Variants in VWA3B observed in about 807,000 individuals in gnomAD.
VWA3B encodes von Willebrand factor A domain-containing protein 3B.
In VWA3B, 138 loss-of-function variants were observed where a neutral mutation model predicts 158.3. The observed-to-expected ratio is 0.87, with a 90% CI of 0.76 to 1.00. The LOEUF is 1.00. Among genes scored for constraint, VWA3B ranks in the 50% least tolerant of loss-of-function variants. The pLI, the probability that VWA3B is intolerant of heterozygous loss-of-function variation, is 0.00. For synonymous variants in VWA3B, 596 were observed against 587.3 expected (o/e 1.01, Z -0.21); for missense variants, 1,555 against 1,565.1 (o/e 0.99, Z 0.11).
chr2:98,181,497 A>G (rs1680576523), intron 9 of VWA3B, among the ~76,000 whole-genome samples: 1 of 152,246 alleles, frequency 6.6e-6, no homozygotes, highest in African/African-American at 2.4e-5. Flanking sequence ...GAATTATTCA[A>G]CATTATGCAA....
intron 8 of VWA3B, among the ~76,000 whole-genome samples, chr2:98,164,045 A>T (rs1678871737): frequency 6.6e-6 from 1 of 152,152 alleles, no homozygotes; most frequent in Non-Finnish European, 1.5e-5. Context: ...GAGCTCAGTG[A>T]TCGGCTCGGC....
chr2:98,179,155 C>A, intron 8 of VWA3B: 1 of 466,268 alleles, frequency 2.1e-6, no homozygotes, highest in Non-Finnish European at 4.5e-6. Flanking sequence ...GAGATGTGCA[C>A]AGCCAGCTCC....
chr2:98,198,657 G>A (rs1682268355), intron 12 of VWA3B, among the ~76,000 whole-genome samples: 1 of 152,082 alleles, frequency 6.6e-6, no homozygotes, highest in Non-Finnish European at 1.5e-5. Context: ...CTCCCAAAAT[G>A]TCCTCATATG....
intron 8 of VWA3B, among the ~76,000 whole-genome samples, chr2:98,164,285 T>G (rs1036599968): frequency 2.0e-5 from 3 of 152,140 alleles, no homozygotes; most frequent in Admixed American, 2.0e-4. Context: ...TAAAAAGAAA[T>G]TATTAAAATC....
intron 6 of VWA3B, among the ~76,000 whole-genome samples, chr2:98,129,258 TG>T (rs1559556646): frequency 1.5e-5 from 2 of 135,124 alleles, no homozygotes; most frequent in African/African-American, 5.6e-5. Flanking sequence ...TGTGTGTGTG[TG>T]GAGAGAGAGG....
At chr2:98,129,529 G>A (rs1195235829) in intron 6 of VWA3B, among the ~76,000 whole-genome samples, 1 of 152,134 alleles carries the variant, frequency 6.6e-6, no homozygotes, top group African/African-American at 2.4e-5. Context: ...TTCAACATAG[G>A]AATTTTTTTG....
intron 16 of VWA3B, among the ~76,000 whole-genome samples, chr2:98,234,020 A>T (rs1249928113): frequency 1.3e-5 from 2 of 152,244 alleles, no homozygotes; most frequent in African/African-American, 4.8e-5. Flanking sequence ...CAGGGTAGAA[A>T]ATAACATAAG....
At chr2:98,315,026 C>G (rs1314438987), downstream of VWA3B, among the ~76,000 whole-genome samples, 1 of 151,774 alleles carries the variant, frequency 6.6e-6, no homozygotes, top group African/African-American at 2.4e-5. Flanking sequence ...TTGGAATCAG[C>G]TCCGGAATGA....
chr2:98,308,238 T>C (rs1690647928), intron 26 of VWA3B, among the ~76,000 whole-genome samples: 1 of 152,152 alleles, frequency 6.6e-6, no homozygotes, highest in South Asian at 2.1e-4. Flanking sequence ...GGGTGCAGAT[T>C]TTCTCTTTCC....
intron 1 of VWA3B, among the ~76,000 whole-genome samples, chr2:98,090,221 A>G (rs1164402721): frequency 6.6e-6 from 1 of 152,174 alleles, no homozygotes; most frequent in African/African-American, 2.4e-5. Flanking sequence ...GTCTTTGTGG[A>G]TAGATCCTCA....
intron 25 of VWA3B, among the ~76,000 whole-genome samples, chr2:98,301,417 A>G (rs1690184028): frequency 6.6e-6 from 1 of 152,178 alleles, no homozygotes; most frequent in South Asian, 2.1e-4. Context: ...TTGGTCACAT[A>G]TAAAATGAAT....
chr2:98,217,608 C>T lies in VWA3B; in HGVS notation c.1837-238C>T, dbSNP rs986352764. On this transcript the variant is annotated intron_variant, in intron 13 of 27. Coordinates refer to ENST00000477737, the MANE Select transcript of VWA3B (RefSeq NM_144992.5). ...AATCTTTCTCCTAGCTTCTTTGTCC[C>T]ACCCAACTGAGAGACCTCAGAGCCA... is the stretch of plus-strand genomic sequence containing the variant. Among the ~76,000 whole-genome samples, 3 of 152,180 alleles carry T rather than the reference C, an allele frequency of 2.0e-5. No individual in the cohort carries two copies. In the South Asian group the frequency reaches 6.2e-4, roughly 32 times the overall value.
intron 2 of VWA3B, among the ~76,000 whole-genome samples, chr2:98,098,374 A>T (rs1242345016): frequency 6.6e-6 from 1 of 152,082 alleles, no homozygotes; most frequent in African/African-American, 2.4e-5. Flanking sequence ...CAGATCTATT[A>T]ATATTTTCTT....
intron 14 of VWA3B, among the ~76,000 whole-genome samples, chr2:98,220,389 A>C (rs979740441): frequency 1.3e-5 from 2 of 152,158 alleles, no homozygotes; most frequent in African/African-American, 4.8e-5. Context: ...TATAAGAAAA[A>C]GTGCAGGATA....
chr2:98,182,872 C>T (rs1404674388), intron 9 of VWA3B, among the ~76,000 whole-genome samples: 1 of 152,208 alleles, frequency 6.6e-6, no homozygotes, highest in African/African-American at 2.4e-5. Context: ...TGCGCCATTG[C>T]ACTCCAGCCT....
intron 22 of VWA3B, among the ~76,000 whole-genome samples, chr2:98,283,846 A>T (rs959640989): frequency 6.6e-6 from 1 of 152,196 alleles, no homozygotes; most frequent in African/African-American, 2.4e-5. Context: ...GCAATTGCCC[A>T]AAGTCCCATA....
At chr2:98,127,409 A>ACCGT (rs1380877082) in intron 5 of VWA3B, among the ~76,000 whole-genome samples, 1 of 152,014 alleles carries the variant, frequency 6.6e-6, no homozygotes, top group Non-Finnish European at 1.5e-5. Flanking sequence ...CTGTGGAAGC[A>ACCGT]CCGTCCCGGG....
intron 22 of VWA3B, 29 bp downstream of exon 22, chr2:98,270,912 C>T: frequency 5.0e-6 from 8 of 1,607,764 alleles, no homozygotes; most frequent in Non-Finnish European, 5.1e-6. Flanking sequence ...TCTGTCTTTC[C>T]TCCCTCTCTG....
intron 20 of VWA3B, among the ~76,000 whole-genome samples, chr2:98,255,174 C>A (rs1247193650): frequency 2.3e-5 from 3 of 128,210 alleles, no homozygotes; most frequent in Non-Finnish European, 4.7e-5. Context: ...CCACCACGCC[C>A]GGCTGATATT....
Sources: allele counts gnomAD v4.1 joint callset (sites outside exome capture counted in the v4.1 genomes callset), GRCh38; gene constraint gnomAD v4.1.1; transcripts MANE v1.5; gene names NCBI Gene and HGNC (gene_info 2026-07-23, HGNC 2026-07-21).